Variants in VAV2 observed in about 807,000 individuals in gnomAD.
The protein encoded by VAV2 is vav guanine nucleotide exchange factor 2.
Under a neutral mutation model 132.5 loss-of-function variants are expected in VAV2, and 67 were observed. The observed-to-expected ratio is 0.51, with a 90% CI of 0.42 to 0.62. The LOEUF is 0.62. VAV2 is among the 20% of genes least tolerant of loss of function. VAV2 has a pLI of 0.00. For missense variants in VAV2, 938 were observed against 1,153.6 expected, an observed-to-expected ratio of 0.81 and a Z score of 2.71; for synonymous variants, 492 against 443.5, an observed-to-expected ratio of 1.11 and a Z score of -1.37.
At chr9:133,904,449 G>A (rs935062014) in intron 2 of VAV2, among the ~76,000 whole-genome samples, 11 of 152,232 alleles carry the variant, frequency 7.2e-5, no homozygotes, top group Non-Finnish European at 1.0e-4. Flanking sequence ...GGAAGCACCC[G>A]GAATCACTCC....
At chr9:133,981,519 G>A (rs916106500) in intron 1 of VAV2, among the ~76,000 whole-genome samples, 2 of 152,238 alleles carry the variant, frequency 1.3e-5, no homozygotes, top group African/African-American at 4.8e-5. Context: ...CTGGGAGTGA[G>A]CCGCCGGGCT....
At chr9:133,861,243 C>T in intron 3 of VAV2, 131 bp downstream of exon 3, 1 of 1,020,090 alleles carries the variant, frequency 9.8e-7, no homozygotes, top group Non-Finnish European at 1.3e-6. Context: ...TACGCGACAA[C>T]ACGCTGCAAA....
intron 2 of VAV2, among the ~76,000 whole-genome samples, chr9:133,903,615 G>A (rs563028093): frequency 5.9e-5 from 9 of 152,320 alleles, no homozygotes; most frequent in South Asian, 2.1e-4. Flanking sequence ...AGCCAGCCTC[G>A]GGTCCGGTGG....
intron 1 of VAV2, among the ~76,000 whole-genome samples, chr9:133,939,818 C>T (rs920288496): frequency 6.6e-6 from 1 of 152,258 alleles, no homozygotes; most frequent in African/African-American, 2.4e-5. Flanking sequence ...CAAGAAGCCA[C>T]GGAGGACCCA....
rs199578193 is a variant in VAV2, at chr9:133,902,031, ACAGGT to A, written c.321+37067_321+37071del. Among the ~76,000 whole-genome samples, 193 of 152,188 alleles carry A rather than the reference ACAGGT, an allele frequency of 1.3e-3. 2 individuals carry two copies. In the East Asian group the frequency reaches 0.033, roughly 26 times the overall value. ...TGGATGCTCCGAGCCTCCATGTCCT[ACAGGT>A]CAGACCAGAACCTCCCACCCCCACC... On this transcript the variant is annotated intron_variant, in intron 2 of 29. Transcript: ENST00000371850.
At chr9:133,949,628 A>G (rs1841488029) in intron 1 of VAV2, among the ~76,000 whole-genome samples, 1 of 152,204 alleles carries the variant, frequency 6.6e-6, no homozygotes, top group Admixed American at 6.5e-5. Flanking sequence ...GATGGGAAAC[A>G]GGCTTCCCAG....
chr9:133,977,593 A>G (rs1842555800), intron 1 of VAV2, among the ~76,000 whole-genome samples: 1 of 152,150 alleles, frequency 6.6e-6, no homozygotes, highest in Non-Finnish European at 1.5e-5. Context: ...AAATGACATG[A>G]CAGGCGGTCC....
intron 3 of VAV2, among the ~76,000 whole-genome samples, chr9:133,842,446 G>A (rs575870900): frequency 3.3e-5 from 5 of 152,338 alleles, no homozygotes; most frequent in South Asian, 4.1e-4. Context: ...GAGCGCCCTC[G>A]GCCTCTGAGG....
At chr9:133,870,704 G>T (rs2131897550) in intron 2 of VAV2, among the ~76,000 whole-genome samples, 1 of 151,682 alleles carries the variant, frequency 6.6e-6, no homozygotes, top group South Asian at 2.1e-4. Context: ...TGGATAAGTG[G>T]GTGGGTGGGT....
rs990470258 is a variant in VAV2 at position 133,912,972 on chromosome 9, C to T, written c.321+26131G>A. 2.6e-5 allele frequency among the ~76,000 whole-genome samples: 4 copies of T among 152,176 alleles called. No homozygotes were observed. Among genetic ancestry groups the T allele is most frequent in the African/African-American group, 4.8e-5 (2 of 41,442 alleles). On this transcript the variant is annotated intron_variant, in intron 2 of 29. Coordinates refer to ENST00000371850, the MANE Select transcript of VAV2 (RefSeq NM_001134398.2). The surrounding 1 kb of genome is among the most constrained non-coding windows in gnomAD (Gnocchi z 4.3). ...CGGGCGGTGGAGTGCCATTTGGAACCGGGTTTGGGAGGCAGGCACTGTCCT... is the reference window on the plus strand; with the variant it reads ...CGGGCGGTGGAGTGCCATTTGGAACTGGGTTTGGGAGGCAGGCACTGTCCT...
intron 2 of VAV2, among the ~76,000 whole-genome samples, chr9:133,921,217 G>A (rs1564467352): frequency 6.6e-6 from 1 of 152,192 alleles, no homozygotes; most frequent in Non-Finnish European, 1.5e-5. Context: ...ACAGCTCTGT[G>A]CGTGCCGGAG....
Position 133,768,727 on chromosome 9 carries a change from G to T in VAV2, c.2435-131C>A. ...TGCTCTGTACCCAGAGAGGAAGGATGTCAAGCAGAAAGGCTCTGGAGGGAC... is the reference window on the plus strand; with the variant it reads ...TGCTCTGTACCCAGAGAGGAAGGATTTCAAGCAGAAAGGCTCTGGAGGGAC... On this transcript the variant is annotated intron_variant, in intron 28 of 29. Transcript: ENST00000371850. This position sits in a 1 kb window ranked among gnomAD's most constrained non-coding sequence, Gnocchi z 5.3. The T allele has an allele frequency of 1.6e-6, 2 of 1,225,868 alleles. No individual in the cohort carries two copies. The highest frequency in any genetic ancestry group is 2.2e-6 in the Non-Finnish European group (2 of 904,636). 75.9% of individuals were successfully genotyped at this position (1,225,868 alleles called of 1,614,324 possible). A position where few individuals can be genotyped will look rare whatever the true frequency, so the allele number is the denominator to read the frequency against.
At chr9:133,910,157 C>T in intron 2 of VAV2, among the ~76,000 whole-genome samples, 1 of 152,192 alleles carries the variant, frequency 6.6e-6, no homozygotes, top group Non-Finnish European at 1.5e-5. Flanking sequence ...ATGGCTGGAG[C>T]TCTTGCAGCC....
At chr9:133,902,264 T>G (rs1839475095) in intron 2 of VAV2, among the ~76,000 whole-genome samples, 1 of 152,120 alleles carries the variant, frequency 6.6e-6, no homozygotes, top group Non-Finnish European at 1.5e-5. Context: ...CCACACAACA[T>G]GCACAGGGCC....
intron 1 of VAV2, among the ~76,000 whole-genome samples, chr9:133,968,876 AG>A (rs1842234459): frequency 6.6e-6 from 1 of 152,198 alleles, no homozygotes; most frequent in Non-Finnish European, 1.5e-5. Flanking sequence ...CCTCGGTTGC[AG>A]CAAATGTGCC....
intron 1 of VAV2, among the ~76,000 whole-genome samples, chr9:133,951,630 G>T (rs116112174): frequency 6.6e-6 from 1 of 152,128 alleles, no homozygotes; most frequent in East Asian, 1.9e-4. Flanking sequence ...CAGAGCCTCA[G>T]TTTCCTCACC....
intron 4 of VAV2, among the ~76,000 whole-genome samples, chr9:133,821,611 C>A (rs1156947621): frequency 6.6e-6 from 1 of 152,194 alleles, no homozygotes; most frequent in Non-Finnish European, 1.5e-5. Context: ...AGGGGCCGGT[C>A]TCAACACATA....
At chr9:133,971,481 C>T (rs1006099287) in intron 1 of VAV2, among the ~76,000 whole-genome samples, 1 of 152,194 alleles carries the variant, frequency 6.6e-6, no homozygotes, top group African/African-American at 2.4e-5. Context: ...AGCCCAGGAG[C>T]CAGCCCACCC....
intron 1 of VAV2, among the ~76,000 whole-genome samples, chr9:133,972,489 G>T (rs1842369212): frequency 1.9e-3 from 1 of 516 alleles, no homozygotes; most frequent in African/African-American, 2.4e-3. Flanking sequence ...ATTATTAAAG[G>T]CAAACACTCT....
Sources: gnomAD v4.1 joint callset for allele counts (sites outside exome capture counted in the v4.1 genomes callset) on GRCh38, gnomAD v4.1.1 for gene constraint, Gnocchi (gnomAD v3.1) non-coding constraint, MANE v1.5 for transcripts, NCBI Gene and HGNC (gene_info 2026-07-23, HGNC 2026-07-21) for gene names.